SLC13A3: variants seen among roughly 807,000 people sequenced by gnomAD.
SLC13A3 encodes solute carrier family 13 member 3.
Under a neutral mutation model 59.0 loss-of-function variants are expected in SLC13A3, and 40 were observed. The ratio of observed to expected loss-of-function variants is 0.68; its 90% CI spans 0.53 to 0.88. The LOEUF (loss-of-function observed/expected upper bound fraction) is 0.88. Ranked by LOEUF, SLC13A3 falls within the 40% of genes least tolerant of loss-of-function variation. The pLI is 0.00. For synonymous variants in SLC13A3, 317 were observed against 330.3 expected (o/e 0.96, Z 0.44); for missense variants, 699 against 783.2 (o/e 0.89, Z 1.28).
intron 7 of SLC13A3, among the ~76,000 whole-genome samples, chr20:46,588,710 A>T (rs1476372052): frequency 4.6e-5 from 7 of 152,148 alleles, no homozygotes; most frequent in Non-Finnish European, 8.8e-5. Flanking sequence ...TACCCATTTC[A>T]CAGACTGGAG....
At chr20:46,599,840 G>A (rs2062354404) in intron 4 of SLC13A3, 131 bp downstream of exon 4, 2 of 543,528 alleles carry the variant, frequency 3.7e-6, no homozygotes, top group Non-Finnish European at 6.4e-6. Context: ...ATGAATGGTG[G>A]AAACTCAGGC....
upstream of SLC13A3, chr20:46,673,913 A>G (rs1020623730): frequency 2.0e-5 from 3 of 152,222 alleles, no homozygotes; most frequent in Non-Finnish European, 4.4e-5. Context: ...CCTATTGTAT[A>G]CCAGGCATCA....
chr20:46,615,837 C>T (rs941388885), intron 1 of SLC13A3, among the ~76,000 whole-genome samples: 5 of 152,178 alleles, frequency 3.3e-5, no homozygotes, highest in Non-Finnish European at 7.3e-5. Flanking sequence ...CAAAAAGTCT[C>T]CCGCTGGGAG....
At position 46,585,701 on chromosome 20, in the gene SLC13A3, C is replaced by T. The variant is rs759424661; in HGVS notation, c.1122-2032G>A. 7 of 1,298,388 alleles carry T rather than the reference C, an allele frequency of 5.4e-6. No homozygotes were observed. The South Asian group carries it at 7.6e-5, about 14-fold the overall frequency. The allele number at this position is 1,298,388 out of a possible 1,614,324, so 80.4% of individuals were successfully genotyped here. On this transcript the variant is annotated intron_variant, in intron 8 of 12. Transcript: ENST00000279027. ...GAGACTGAGATTTAGCTGATCTTCA[C>T]ATTTTCTGTATTGTTGAAATGCTTA...
chr20:46,660,134 T>A (rs2063020553), intron 1 of SLC13A3, among the ~76,000 whole-genome samples: 1 of 152,188 alleles, frequency 6.6e-6, no homozygotes, highest in African/African-American at 2.4e-5. Flanking sequence ...ATTATATAAA[T>A]AAAAGATAAA....
chr20:46,674,925 G>GCAGT (rs1489158867), upstream of SLC13A3, among the ~76,000 whole-genome samples: 1 of 152,066 alleles, frequency 6.6e-6, no homozygotes, highest in African/African-American at 2.4e-5. Flanking sequence ...ATGAAGCTGG[G>GCAGT]CAGTCGATGG....
At chr20:46,653,382 A>ATAG (rs2062965365), upstream of SLC13A3, among the ~76,000 whole-genome samples, 1 of 152,198 alleles carries the variant, frequency 6.6e-6, no homozygotes, top group South Asian at 2.1e-4. Context: ...AAGGAAGAGA[A>ATAG]TACAGTCATG....
At chr20:46,584,192 G>A (rs1237975889) in intron 8 of SLC13A3, 8 of 985,240 alleles carry the variant, frequency 8.1e-6, no homozygotes, top group African/African-American at 5.2e-5. Context: ...GGGGAGTTTT[G>A]CGCACATTAA....
intron 1 of SLC13A3, among the ~76,000 whole-genome samples, chr20:46,621,828 T>A (rs2062618302): frequency 2.0e-5 from 3 of 152,234 alleles, no homozygotes; most frequent in African/African-American, 7.2e-5. Flanking sequence ...CCGCTAAAAA[T>A]TCATAATTGG....
intron 2 of SLC13A3, among the ~76,000 whole-genome samples, chr20:46,612,124 C>CTTTTTTTTTTTTTTT (rs57019153): frequency 2.2e-4 from 15 of 68,944 alleles, no homozygotes; most frequent in African/African-American, 3.4e-4. Context: ...TCTCTCTTTG[C>CTTTTTTTTTTTTTTT]TTTTTTTTTT....
intron 11 of SLC13A3, 119 bp downstream of exon 11, chr20:46,566,110 T>A (rs921991947): frequency 1.3e-5 from 10 of 770,718 alleles, no homozygotes; most frequent in Non-Finnish European, 2.0e-5. Flanking sequence ...GATACGTTCA[T>A]GTATTTTGGA....
intron 10 of SLC13A3, among the ~76,000 whole-genome samples, chr20:46,574,154 A>G (rs1352426331): frequency 6.6e-6 from 1 of 152,208 alleles, no homozygotes; most frequent in East Asian, 1.9e-4. Flanking sequence ...GTGTTTATAA[A>G]GATCGACTGA....
Position 46,558,540 on chromosome 20 carries a change from CCATACAACG to C in SLC13A3, c.*1473_*1481del, listed in dbSNP as rs2061903355. ...TTGAATGAACCTCTTGCTTCCAGTC[CCATACAACG>C]CATCTCCCACCAGCCCCAGTGGGTT... On this transcript the variant is annotated 3_prime_UTR_variant, in exon 13 of 13. Coordinates refer to ENST00000279027, the MANE Select transcript of SLC13A3 (RefSeq NM_022829.6). The C allele has an allele frequency of 6.6e-6, 1 of 152,168 alleles. No homozygotes were observed. The highest frequency in any genetic ancestry group is 1.5e-5 in the Non-Finnish European group (1 of 68,050). 9.4% of individuals were successfully genotyped at this position (152,168 alleles called of 1,614,324 possible). A position where few individuals can be genotyped will look rare whatever the true frequency, so the allele number is the denominator to read the frequency against.
chr20:46,581,898 A>T (rs2062142532), intron 9 of SLC13A3, among the ~76,000 whole-genome samples: 1 of 152,210 alleles, frequency 6.6e-6, no homozygotes, highest in African/African-American at 2.4e-5. Context: ...AGAGATGGAG[A>T]AAAACTGAAT....
chr20:46,614,250 T>G (rs1810498), intron 1 of SLC13A3, among the ~76,000 whole-genome samples: 8,095 of 152,170 alleles, frequency 0.053, 752 homozygotes, highest in African/African-American at 0.18. Context: ...CACCTGAAGC[T>G]CAATTCTGAT....
chr20:46,574,251 T>C (rs2062053394), intron 10 of SLC13A3, among the ~76,000 whole-genome samples: 1 of 152,142 alleles, frequency 6.6e-6, no homozygotes, highest in South Asian at 2.1e-4. Context: ...GACTCTGAAA[T>C]CAGGGAGAGT....
intron 3 of SLC13A3, among the ~76,000 whole-genome samples, chr20:46,600,407 GAGGAAGGAAGGAAGGAA>G (rs1371832737): frequency 1.5e-4 from 21 of 143,492 alleles, no homozygotes; most frequent in South Asian, 2.2e-4. Context: ...AGAAAGAAAG[GAGGAAGGAAGGAAGGAA>G]AGGAAGGAAG....
chr20:46,614,855 A>C (rs2062539876), intron 1 of SLC13A3, among the ~76,000 whole-genome samples: 1 of 152,188 alleles, frequency 6.6e-6, no homozygotes, highest in Admixed American at 6.5e-5. Flanking sequence ...AAGGCAGACA[A>C]AGTAATTTAA....
intron 10 of SLC13A3, 45 bp downstream of exon 10, chr20:46,575,528 T>C: frequency 1.6e-6 from 2 of 1,221,422 alleles, no homozygotes; most frequent in African/African-American, 1.5e-5. Context: ...CGCCCACACC[T>C]GCCTCCCACT....
Sources: allele counts gnomAD v4.1 joint callset (sites outside exome capture counted in the v4.1 genomes callset), GRCh38; gene constraint gnomAD v4.1.1; transcripts MANE v1.5; gene names NCBI Gene and HGNC (gene_info 2026-07-23, HGNC 2026-07-21).